Variants in VAT1L observed in about 807,000 individuals in gnomAD.
VAT1L encodes putative NADPH-dependent quinone oxidoreductase VAT1L.
VAT1L carries 34 observed loss-of-function variants against 44.1 expected under a neutral mutation model. The ratio of observed to expected loss-of-function variants is 0.77; its 90% CI spans 0.59 to 1.03. VAT1L has a LOEUF of 1.03. VAT1L is among the 50% of genes least tolerant of loss of function. The probability of loss-of-function intolerance (pLI) is 0.00; values close to 1 mark genes in which losing one functional copy is unlikely to be tolerated. For missense variants in VAT1L, 615 were observed against 538.8 expected (o/e 1.14, Z -1.40); for synonymous variants, 253 against 202.2 (o/e 1.25, Z -2.13).
chr16:77,935,630 AAG>A (rs754547336), intron 7 of VAT1L, among the ~76,000 whole-genome samples: 63 of 148,506 alleles, frequency 4.2e-4, no homozygotes, highest in Middle Eastern at 3.5e-3. Context: ...GAGTGGGGGG[AAG>A]AGAGAGAGAG....
At chr16:77,932,276 T>C (rs972719381) in intron 7 of VAT1L, among the ~76,000 whole-genome samples, 2 of 151,932 alleles carry the variant, frequency 1.3e-5, no homozygotes, top group African/African-American at 2.4e-5. Context: ...GCTAATTTTT[T>C]TGTATTTTTT....
rs1176982713 is a variant in VAT1L at position 77,941,977 on chromosome 16, A to G, written c.1078-29873A>G. On this transcript the variant is annotated intron_variant, in intron 7 of 8. Transcript: ENST00000302536. The stretch of plus-strand genomic sequence containing the variant: ...CCTTTTTCTCTGCAACCTTGCCAGC[A>G]TGTTATTTTTTTACTTTTTAATAAT... 2.6e-5 allele frequency among the ~76,000 whole-genome samples: 4 copies of G among 152,284 alleles called. No individual in the cohort carries two copies. The East Asian group carries it at 5.8e-4, about 22-fold the overall frequency.
intron 7 of VAT1L, among the ~76,000 whole-genome samples, chr16:77,936,836 G>C (rs956538899): frequency 6.6e-6 from 1 of 151,958 alleles, no homozygotes; most frequent in African/African-American, 2.4e-5. Flanking sequence ...AGTGGTCAGG[G>C]GTGGATTCCT....
intron 7 of VAT1L, among the ~76,000 whole-genome samples, chr16:77,901,448 G>A (rs908097259): frequency 6.6e-6 from 1 of 152,148 alleles, no homozygotes; most frequent in Non-Finnish European, 1.5e-5. Context: ...ACAGGCGTGA[G>A]CCACCGTGCC....
chr16:77,902,999 A>G (rs1213717136), intron 7 of VAT1L, among the ~76,000 whole-genome samples: 1 of 151,328 alleles, frequency 6.6e-6, no homozygotes. Context: ...AAGAAAGAAA[A>G]AAAGTAACAC....
chr16:77,977,785 T>C lies in VAT1L; in HGVS notation c.*90T>C. The C allele has an allele frequency of 1.6e-6, 2 of 1,230,878 alleles. No individual in the cohort carries two copies. Among genetic ancestry groups the C allele is most frequent in the Non-Finnish European group, 2.3e-6 (2 of 861,820 alleles). The allele number at this position is 1,230,878 out of a possible 1,614,324, so 76.2% of individuals were successfully genotyped here. On this transcript the variant is annotated 3_prime_UTR_variant, in exon 9 of 9. Coordinates refer to ENST00000302536, the MANE Select transcript of VAT1L (RefSeq NM_020927.3). Reference sequence around the variant, plus strand: ...CTTCTGTGCCCCAGTGAACAAATGCTGTAGTCCAGTGCGTGTCGTGTTTGT... The same window carrying C: ...CTTCTGTGCCCCAGTGAACAAATGCCGTAGTCCAGTGCGTGTCGTGTTTGT...
At chr16:77,955,443 G>A (rs1188837725) in intron 7 of VAT1L, among the ~76,000 whole-genome samples, 4 of 152,158 alleles carry the variant, frequency 2.6e-5, no homozygotes, top group Admixed American at 2.6e-4. Context: ...CAGAGAATGG[G>A]GCCGGGCGTG....
intron 7 of VAT1L, among the ~76,000 whole-genome samples, chr16:77,937,413 G>A (rs1346825234): frequency 2.0e-5 from 3 of 152,164 alleles, no homozygotes; most frequent in Non-Finnish European, 4.4e-5. Flanking sequence ...TCCAGGTTTT[G>A]GCACCAAATG....
chr16:77,951,724 G>A (rs906766964), intron 7 of VAT1L, among the ~76,000 whole-genome samples: 2 of 152,010 alleles, frequency 1.3e-5, no homozygotes, highest in African/African-American at 4.8e-5. Context: ...AAGGAGGTGA[G>A]ATTAGCACAA....
chr16:77,963,325 A>G (rs956048360), intron 7 of VAT1L, among the ~76,000 whole-genome samples: 1 of 152,090 alleles, frequency 6.6e-6, no homozygotes, highest in Non-Finnish European at 1.5e-5. Flanking sequence ...AGTCAGAGAG[A>G]TTTGAAGCTC....
At chr16:77,802,961 G>T (rs953166690) in intron 1 of VAT1L, among the ~76,000 whole-genome samples, 2 of 152,216 alleles carry the variant, frequency 1.3e-5, no homozygotes, top group African/African-American at 4.8e-5. Context: ...CAGCAGGGCC[G>T]GCAGCCCAGC....
chr16:77,963,299 G>A (rs958944216), intron 7 of VAT1L, among the ~76,000 whole-genome samples: 1 of 152,158 alleles, frequency 6.6e-6, no homozygotes, highest in African/African-American at 2.4e-5. Context: ...AAAGAGGGAG[G>A]CAGGAGGAGG....
At chr16:77,885,324 T>TTTGGAAGCATTCC (rs2017198826) in intron 7 of VAT1L, among the ~76,000 whole-genome samples, 1 of 152,162 alleles carries the variant, frequency 6.6e-6, no homozygotes, top group African/African-American at 2.4e-5. Context: ...AGTTATAGTA[T>TTTGGAAGCATTCC]TTGGAAGCAT....
intron 7 of VAT1L, among the ~76,000 whole-genome samples, chr16:77,939,377 T>TG (rs985931261): frequency 1.3e-5 from 2 of 148,720 alleles, no homozygotes; most frequent in Non-Finnish European, 3.0e-5. Flanking sequence ...CTCAAACCAG[T>TG]GGGGGGCCGG....
At chr16:77,971,722 CTT>C (rs754537532) in intron 7 of VAT1L, 126 bp from the exon 8 acceptor site, 90 of 911,236 alleles carry the variant, frequency 9.9e-5, no homozygotes, top group Non-Finnish European at 1.3e-4. Context: ...ACAGCAACCT[CTT>C]AGCCACTAAA....
At chr16:77,900,593 G>T (rs573012030) in intron 7 of VAT1L, among the ~76,000 whole-genome samples, 1 of 151,644 alleles carries the variant, frequency 6.6e-6, no homozygotes, top group East Asian at 1.9e-4. Flanking sequence ...TACTTAGGAG[G>T]CTGAGGCGCG....
At chr16:77,888,231 A>G (rs2017228542) in intron 7 of VAT1L, among the ~76,000 whole-genome samples, 1 of 152,136 alleles carries the variant, frequency 6.6e-6, no homozygotes, top group Non-Finnish European at 1.5e-5. Context: ...CATTGCATTT[A>G]CTGTCAGTTG....
intron 1 of VAT1L, among the ~76,000 whole-genome samples, chr16:77,812,153 C>G (rs1309823833): frequency 6.7e-6 from 1 of 149,898 alleles, no homozygotes; most frequent in Non-Finnish European, 1.5e-5. Context: ...GTGATCTTGG[C>G]TCACTGCCTT....
In VAT1L at chr16:77,817,069, T is replaced by C. The variant is rs2966053; in HGVS notation, c.363+19T>C. ...ATATGAGGTAATGTTTGGCTCTCAA[T>C]TGAAGAGTAATATTCATTTGGAATC... is the stretch of plus-strand genomic sequence containing the variant. On this transcript the variant is annotated intron_variant, in intron 2 of 8. Transcript: ENST00000302536. 389,319 of 1,606,698 alleles carry C rather than the reference T, an allele frequency of 0.24. 48,557 individuals carry two copies. Among genetic ancestry groups the C allele is most frequent in the Admixed American group, 0.31 (17,792 of 58,272 alleles).
Sources: allele counts gnomAD v4.1 joint callset (sites outside exome capture counted in the v4.1 genomes callset), GRCh38; gene constraint gnomAD v4.1.1; transcripts MANE v1.5; gene names NCBI Gene and HGNC (gene_info 2026-07-23, HGNC 2026-07-21).